Variants in HERC1 observed in about 807,000 individuals in gnomAD.
The protein encoded by HERC1 is HECT and RLD domain containing E3 ubiquitin protein ligase family member 1.
HERC1 carries 160 observed loss-of-function variants against 554.3 expected under a neutral mutation model. The ratio of observed to expected loss-of-function variants is 0.29; its 90% CI spans 0.25 to 0.33. The LOEUF is 0.33. HERC1 is among the 10% of genes least tolerant of loss of function. The pLI is 1.00. For synonymous variants in HERC1, 2,175 were observed against 2,131.7 expected, an observed-to-expected ratio of 1.02 and a Z score of -0.56; for missense variants, 4,919 against 5,918.5, an observed-to-expected ratio of 0.83 and a Z score of 5.54.
intron 1 of HERC1, among the ~76,000 whole-genome samples, chr15:63,822,341 T>C (rs2077730361): frequency 6.6e-6 from 1 of 152,136 alleles, no homozygotes; most frequent in Non-Finnish European, 1.5e-5. Context: ...ATCCCAGCAC[T>C]TTGGGAAGCC....
chr15:63,713,501 T>C lies in HERC1; in HGVS notation c.4315A>G (p.Thr1439Ala). Reference protein sequence around the residue: ...TDLPEGQDVYTAACNSVIHRC... With the variant: ...TDLPEGQDVYAAACNSVIHRC... ...TGGATCACGGAGTTGCATGCAGCAG[T>C]GTACACATCCTGACCCTCAGGAAGG... Residue 1439 changes from threonine to alanine, a missense_variant, in exon 23 of 78, where the codon ACT becomes GCT. This residue lies in a region of HERC1 where 1,121 missense variants were observed against 1,244.0 expected (regional missense o/e 0.90). Coordinates refer to ENST00000443617, the MANE Select transcript of HERC1 (RefSeq NM_003922.4). 6.2e-7 allele frequency: 1 copy of C among 1,613,988 alleles called. No individual in the cohort carries two copies. Among genetic ancestry groups the C allele is most frequent in the Non-Finnish European group, 8.5e-7 (1 of 1,179,896 alleles).
At chr15:63,794,548 A>G (rs996691250) in intron 1 of HERC1, among the ~76,000 whole-genome samples, 1 of 152,164 alleles carries the variant, frequency 6.6e-6, no homozygotes, top group Non-Finnish European at 1.5e-5. Flanking sequence ...ACCAGAGGTG[A>G]CCAGGCATCA....
In HERC1 at chr15:63,661,741, A is replaced by G. The variant is rs769127547; in HGVS notation, c.9170+12T>C. The G allele has an allele frequency of 1.2e-6, 2 of 1,613,178 alleles. No individual in the cohort carries two copies. The highest frequency in any genetic ancestry group is 2.2e-5 in the East Asian group (1 of 44,888). ...TTCAGGAGGTCTGGATATCTACACAATTTCAAGGTACCTTTCAGAACTTGT... is the reference window on the plus strand; with the variant it reads ...TTCAGGAGGTCTGGATATCTACACAGTTTCAAGGTACCTTTCAGAACTTGT... On this transcript the variant is annotated intron_variant, in intron 45 of 77. Transcript: ENST00000443617.
At position 63,784,862 on chromosome 15, in the gene HERC1, C is replaced by T. The variant is rs1022716192; in HGVS notation, c.-26-9213G>A. On this transcript the variant is annotated intron_variant, in intron 1 of 77. Coordinates refer to ENST00000443617, the MANE Select transcript of HERC1 (RefSeq NM_003922.4). ...CTGACCTCAGGTGATCAGCCCACCT[C>T]GGCCTCCCAAAGTGCTGGGATTACA... Among the ~76,000 whole-genome samples the T allele has an allele frequency of 3.4e-4, 51 of 152,158 alleles. 1 individual carries two copies. Among genetic ancestry groups the T allele is most frequent in the African/African-American group, 8.9e-4 (37 of 41,430 alleles).
chr15:63,739,811 T>C (rs1007632903), intron 12 of HERC1, among the ~76,000 whole-genome samples: 1 of 152,126 alleles, frequency 6.6e-6, no homozygotes, highest in African/African-American at 2.4e-5. Flanking sequence ...GCACTCCAGC[T>C]TGGGCGACAG....
intron 7 of HERC1, among the ~76,000 whole-genome samples, chr15:63,753,696 T>C (rs1331066018): frequency 6.6e-6 from 1 of 152,194 alleles, no homozygotes; most frequent in Admixed American, 6.5e-5. Context: ...ACACTGCTAG[T>C]AGGAGTGACT....
chr15:63,643,026 G>T lies in HERC1; in HGVS notation c.11364C>A (p.Gly3788=). 6.2e-7 allele frequency: 1 copy of T among 1,612,804 alleles called. No homozygotes were observed. The highest frequency in any genetic ancestry group is 8.5e-7 in the Non-Finnish European group (1 of 1,179,128). Reference sequence around the variant, plus strand: ...ATACTGTGGTCTGAATAGCTCCAGAGCCTATCACAACAGTTTGCAAGACAG... The same window carrying T: ...ATACTGTGGTCTGAATAGCTCCAGATCCTATCACAACAGTTTGCAAGACAG... ...DGSVLQTVVI[G]SGAIQTTVWI... is the part of the protein sequence containing the mutation. The change falls in exon 59 of 78, where the codon GGC becomes GGA. Residue 3788 remains glycine, a synonymous_variant. Coordinates refer to ENST00000443617, the MANE Select transcript of HERC1 (RefSeq NM_003922.4).
At chr15:63,780,772 C>T (rs915067570) in intron 1 of HERC1, among the ~76,000 whole-genome samples, 2 of 151,494 alleles carry the variant, frequency 1.3e-5, no homozygotes, top group South Asian at 2.1e-4. Context: ...AGACCGAGCA[C>T]AGCTACTACA....
Position 63,648,210 on chromosome 15 carries a change from C to A in HERC1, c.10748-11G>T, listed in dbSNP as rs1159474805. 5 of 1,597,392 alleles carry A rather than the reference C, an allele frequency of 3.1e-6. No individual in the cohort carries two copies. The highest frequency in any genetic ancestry group is 2.3e-5 in the South Asian group (2 of 88,116). On this transcript the variant is annotated splice_polypyrimidine_tract_variant and intron_variant, in intron 54 of 77. Coordinates refer to ENST00000443617, the MANE Select transcript of HERC1 (RefSeq NM_003922.4). ...TGCAAGTAACAGACACTAACATGATCAAAACAAAAGAGTAAGGAAAAGATA... is the reference window on the plus strand; with the variant it reads ...TGCAAGTAACAGACACTAACATGATAAAAACAAAAGAGTAAGGAAAAGATA...
At chr15:63,622,064 C>T (rs576383998) in intron 74 of HERC1, among the ~76,000 whole-genome samples, 2 of 152,264 alleles carry the variant, frequency 1.3e-5, no homozygotes, top group African/African-American at 4.8e-5. Flanking sequence ...TTTTAATTTA[C>T]AAGTCCATGA....
intron 24 of HERC1, among the ~76,000 whole-genome samples, chr15:63,711,257 C>T (rs956980327): frequency 6.6e-6 from 1 of 152,148 alleles, no homozygotes; most frequent in African/African-American, 2.4e-5. Context: ...CTCAGGAGTT[C>T]GAGGCTGCAC....
At chr15:63,789,615 T>C (rs1413366706) in intron 1 of HERC1, among the ~76,000 whole-genome samples, 5 of 151,070 alleles carry the variant, frequency 3.3e-5, no homozygotes, top group African/African-American at 1.2e-4. Flanking sequence ...CTGGCCAACA[T>C]GGTGAAACCC....
At chr15:63,688,133 C>T (rs1418926837) in intron 33 of HERC1, among the ~76,000 whole-genome samples, 2 of 152,156 alleles carry the variant, frequency 1.3e-5, no homozygotes, top group East Asian at 3.9e-4. Flanking sequence ...TAGAAGGTTA[C>T]TGCATAGTTC....
chr15:63,746,330 T>G (rs2075053252), intron 12 of HERC1, among the ~76,000 whole-genome samples: 1 of 152,174 alleles, frequency 6.6e-6, no homozygotes, highest in Admixed American at 6.5e-5. Context: ...GTACTTTCTA[T>G]TATTACCTAC....
chr15:63,706,399 T>C (rs567249333), intron 25 of HERC1, among the ~76,000 whole-genome samples: 130 of 152,288 alleles, frequency 8.5e-4, no homozygotes, highest in Non-Finnish European at 1.4e-3. Context: ...TGTAACACCA[T>C]TTAAACTGTA....
intron 48 of HERC1, 84 bp downstream of exon 48, chr15:63,658,460 C>G (rs2070170585): frequency 1.6e-6 from 2 of 1,227,136 alleles, no homozygotes; most frequent in Non-Finnish European, 2.3e-6. Context: ...AAAATTCTAT[C>G]TCACCCTCCC....
chr15:63,819,735 G>A (rs1011285635), intron 1 of HERC1, among the ~76,000 whole-genome samples: 3 of 152,100 alleles, frequency 2.0e-5, no homozygotes, highest in African/African-American at 7.2e-5. Context: ...ACAATACTTG[G>A]ATGGGGTTTT....
intron 73 of HERC1, 68 bp downstream of exon 73, chr15:63,623,657 T>C: frequency 1.4e-6 from 2 of 1,436,332 alleles, no homozygotes; most frequent in Non-Finnish European, 1.9e-6. Flanking sequence ...GGCAGAGTGA[T>C]CACTGGAAAC....
At chr15:63,693,168 ACT>A (rs1178264689) in intron 30 of HERC1, among the ~76,000 whole-genome samples, 6 of 151,058 alleles carry the variant, frequency 4.0e-5, no homozygotes, top group Admixed American at 2.0e-4. Context: ...ACAGGGTGAG[ACT>A]CTGTCTCAAC....
Sources: allele counts gnomAD v4.1 joint callset (sites outside exome capture counted in the v4.1 genomes callset), GRCh38; gene constraint gnomAD v4.1.1; regional missense constraint gnomAD v4.1.1; transcripts MANE v1.5; gene names NCBI Gene and HGNC (gene_info 2026-07-23, HGNC 2026-07-21).